Variants in ADAMTSL5 observed in about 807,000 individuals in gnomAD.
ADAMTSL5 encodes ADAMTS like 5, also known as ADAMTS-like protein 5.
ADAMTSL5 carries 53 observed loss-of-function variants against 51.7 expected under a neutral mutation model. The observed-to-expected ratio is 1.03, with a 90% CI of 0.82 to 1.29. The LOEUF is 1.29. ADAMTSL5 is among the 50% of genes most tolerant of loss of function. The pLI is 0.00. For synonymous variants in ADAMTSL5, 285 were observed against 278.7 expected, an observed-to-expected ratio of 1.02 and a Z score of -0.23; for missense variants, 770 against 676.2, an observed-to-expected ratio of 1.14 and a Z score of -1.54.
rs373791287 is a variant in ADAMTSL5 at position 1,508,529 on chromosome 19, C to T, written c.403G>A (p.Ala135Thr). 24 of 1,583,618 alleles carry T rather than the reference C, an allele frequency of 1.5e-5. No individual in the cohort carries two copies. The African/African-American group carries it at 2.3e-4, about 15-fold the overall frequency. The change falls in exon 6 of 12, where the codon GCC becomes ACC. Residue 135 changes from alanine to threonine, a missense_variant. By Grantham distance (58) the Ala-to-Thr change is moderately conservative. Transcript: ENST00000330475. ...ACGCGGCCGAAGCTGTGGTAGAAGG[C>T]GTGCCCCTCAGCCAGGCAGTTGAGG... ...CDLNCLAEGHAFYHSFGRVLD... is the reference protein window; with the variant it reads ...CDLNCLAEGHTFYHSFGRVLD...
In ADAMTSL5 at chr19:1,510,529, T is replaced by G. The variant is rs575788605; in HGVS notation, c.192-101A>C. ...CAACCCCACCCGCATTCCAGCGGGA[T>G]CAGGGGGATTAAAGGGCACAGCATG... On this transcript the variant is annotated intron_variant, in intron 3 of 11. Coordinates refer to ENST00000330475, the MANE Select transcript of ADAMTSL5 (RefSeq NM_213604.3). 6.8e-4 allele frequency: 1,024 copies of G among 1,498,128 alleles called. 1 individual carries two copies. Among genetic ancestry groups the G allele is most frequent in the Non-Finnish European group, 8.8e-4 (985 of 1,116,340 alleles). 92.8% of individuals were successfully genotyped at this position (1,498,128 alleles called of 1,614,324 possible). A position where few individuals can be genotyped will look rare whatever the true frequency, so the allele number is the denominator to read the frequency against.
intron 6 of ADAMTSL5, 147 bp from the exon 7 acceptor site, chr19:1,508,256 T>A (rs1333994718): frequency 6.3e-5 from 50 of 792,060 alleles, no homozygotes; most frequent in Non-Finnish European, 6.1e-5. Context: ...GGGAGGAGGA[T>A]GGGCTTGGCG....
At chr19:1,508,605 CT>C in intron 5 of ADAMTSL5, 35 bp from the exon 6 acceptor site, 1 of 1,481,692 alleles carries the variant, frequency 6.7e-7, no homozygotes, top group Non-Finnish European at 9.0e-7. Flanking sequence ...CCGGGGACCC[CT>C]GTTCGAGCTC....
intron 5 of ADAMTSL5, 156 bp from the exon 6 acceptor site, chr19:1,508,726 G>C: frequency 9.3e-7 from 1 of 1,074,212 alleles, no homozygotes. Flanking sequence ...GGACTGGACC[G>C]TAGGTGCTCT....
chr19:1,508,650 A>T, intron 5 of ADAMTSL5, 80 bp from the exon 6 acceptor site: 1 of 1,433,800 alleles, frequency 7.0e-7, no homozygotes, highest in Non-Finnish European at 9.1e-7. Flanking sequence ...TCAGGCAACC[A>T]TCACTTTGGG....
Position 1,507,759 on chromosome 19 carries a change from A to G in ADAMTSL5, c.602-116T>C, listed in dbSNP as rs1051588466. 1.4e-5 allele frequency: 16 copies of G among 1,142,818 alleles called. No homozygotes were observed. In the African/African-American group the frequency reaches 1.8e-4, roughly 13 times the overall value. 70.8% of individuals were successfully genotyped at this position (1,142,818 alleles called of 1,614,324 possible). ...AGCTAGCCAGGGTCCTGGGAACCGG[A>G]AAACCCTCCGTAAACGTTTGGAGTT... On this transcript the variant is annotated intron_variant, in intron 7 of 11. Transcript: ENST00000330475.
rs1912936706 is a variant in ADAMTSL5, at chr19:1,506,600, G to A, written c.1104C>T (p.Gly368=). The A allele has an allele frequency of 1.9e-6, 3 of 1,611,798 alleles. No homozygotes were observed. The highest frequency in any genetic ancestry group is 2.7e-5 in the African/African-American group (2 of 74,882). The change falls in exon 11 of 12, where the codon GGC becomes GGT. Residue 368 remains glycine (G), a synonymous_variant. Transcript: ENST00000330475. This position sits in a 1 kb window ranked among gnomAD's most constrained non-coding sequence, Gnocchi z 5.6. ...GGTCGGGGGTCTCACCAAAGTCACT[G>A]CCGCAATAGTGGAGTAGTCGGTGGG... ...GRAHRLLHYC[G]SDFVFQARVL...
At chr19:1,509,231 G>A (rs569186837) in intron 5 of ADAMTSL5, among the ~76,000 whole-genome samples, 3 of 142,774 alleles carry the variant, frequency 2.1e-5, no homozygotes, top group South Asian at 4.5e-4. Flanking sequence ...CTCCAGCCTG[G>A]GTGACAGAGC....
At chr19:1,511,597 C>G in intron 1 of ADAMTSL5, 2 of 1,271,754 alleles carry the variant, frequency 1.6e-6, no homozygotes, top group Non-Finnish European at 1.0e-6. Flanking sequence ...GGCCCCCTCC[C>G]CGCCCTCCCC....
chr19:1,512,139 G>A lies in ADAMTSL5; in HGVS notation c.-218+824C>T, dbSNP rs559508655. Reference sequence around the variant, plus strand: ...GCCAAGTGAGCCAGGGCGTCCTGCTGCCAGCAGAGCCTGAAGGCAGGTGGG... The same window carrying A: ...GCCAAGTGAGCCAGGGCGTCCTGCTACCAGCAGAGCCTGAAGGCAGGTGGG... On this transcript the variant is annotated intron_variant, in intron 1 of 11. Transcript: ENST00000330475. 6.6e-4 allele frequency among the ~76,000 whole-genome samples: 101 copies of A among 152,338 alleles called. No individual in the cohort carries two copies. The Middle Eastern group carries it at 0.017, about 26-fold the overall frequency.
chr19:1,511,200 C>T (rs868581523), intron 1 of ADAMTSL5, 40 bp from the exon 2 acceptor site: 12 of 222,336 alleles, frequency 5.4e-5, no homozygotes, highest in Middle Eastern at 1.3e-3. Context: ...GTTTTTGAGA[C>T]GGAGTCTCGC....
At chr19:1,508,246 G>C (rs1913065658) in intron 6 of ADAMTSL5, 137 bp from the exon 7 acceptor site, 1 of 1,228,626 alleles carries the variant, frequency 8.1e-7, no homozygotes, top group South Asian at 1.5e-5. Context: ...AGGACCTGGC[G>C]GGAGGAGGAT....
chr19:1,510,814 C>T (rs1231218063), intron 2 of ADAMTSL5, 31 bp downstream of exon 2: 16 of 1,512,322 alleles, frequency 1.1e-5, no homozygotes, highest in East Asian at 7.6e-5. Context: ...CATTCCCACT[C>T]GCCACCCCCT....
chr19:1,510,317 C>T (rs1377306764), intron 4 of ADAMTSL5, 51 bp downstream of exon 4: 1 of 1,613,162 alleles, frequency 6.2e-7, no homozygotes, highest in Non-Finnish European at 8.5e-7. Context: ...AGGTGGTGGG[C>T]TTCAGGCAGT....
rs1913091870 is a variant in ADAMTSL5 at position 1,508,580 on chromosome 19, G to C, written c.362-10C>G. 6.5e-7 allele frequency: 1 copy of C among 1,528,802 alleles called. No homozygotes were observed. Among genetic ancestry groups the C allele is most frequent in the African/African-American group, 1.4e-5 (1 of 72,948 alleles). The allele number at this position is 1,528,802 out of a possible 1,614,324, so 94.7% of individuals were successfully genotyped here. ...TCGCACTGGTTGGGCGCTGAGGGCA[G>C]GAGGAGTCGGTGGGCCGGGGACCCC... On this transcript the variant is annotated splice_polypyrimidine_tract_variant and intron_variant, in intron 5 of 11. Transcript: ENST00000330475.
rs1020010146 is a variant in ADAMTSL5, at chr19:1,511,177, T to TGTTA, written c.-217-21_-217-18dup. The TGTTA allele has an allele frequency of 6.4e-5, 18 of 280,920 alleles. No individual in the cohort carries two copies. In the South Asian group the frequency reaches 2.5e-3, roughly 39 times the overall value. The allele number at this position is 280,920 out of a possible 1,614,324, so 17.4% of individuals were successfully genotyped here. On this transcript the variant is annotated splice_polypyrimidine_tract_variant and intron_variant, in intron 1 of 11. Coordinates refer to ENST00000330475, the MANE Select transcript of ADAMTSL5 (RefSeq NM_213604.3). ...GAATGTCATCTGCAATTATTATTGT[T>TGTTA]GTTAGTTAGTTTGTTTTTGAGACGG...
At chr19:1,508,962 A>G (rs1430322081) in intron 5 of ADAMTSL5, 1 of 157,948 alleles carries the variant, frequency 6.3e-6, no homozygotes, top group Non-Finnish European at 1.4e-5. Flanking sequence ...GCCTTAAAAA[A>G]GGCCAGGTGT....
At chr19:1,511,686 CA>C (rs1333724636) in intron 1 of ADAMTSL5, 1 of 808,130 alleles carries the variant, frequency 1.2e-6, no homozygotes, top group Admixed American at 2.4e-5. Flanking sequence ...CCCATCTGTG[CA>C]GTGGGGGCCA....
intron 5 of ADAMTSL5, among the ~76,000 whole-genome samples, chr19:1,509,629 G>A (rs1913148420): frequency 7.5e-6 from 1 of 134,198 alleles, no homozygotes; most frequent in Non-Finnish European, 1.6e-5. Flanking sequence ...AGGAAGGGAG[G>A]GAGGGAGGGA....
Sources: allele counts gnomAD v4.1 joint callset (sites outside exome capture counted in the v4.1 genomes callset), GRCh38; gene constraint gnomAD v4.1.1; non-coding constraint Gnocchi (gnomAD v3.1); transcripts MANE v1.5; gene names NCBI Gene and HGNC (gene_info 2026-07-23, HGNC 2026-07-21).